Variants in GZF1 observed in about 807,000 individuals in gnomAD.
GZF1 encodes the protein GDNF-inducible zinc finger protein 1.
In GZF1, 28 loss-of-function variants were observed where a neutral mutation model predicts 49.4. The ratio of observed to expected loss-of-function variants is 0.57; its 90% CI spans 0.42 to 0.78. The LOEUF (loss-of-function observed/expected upper bound fraction) is 0.78. Among genes scored for constraint, GZF1 ranks in the 30% least tolerant of loss-of-function variants. The pLI is 0.00. For missense variants in GZF1, 798 were observed against 916.2 expected (o/e 0.87, Z 1.67); for synonymous variants, 364 against 356.0 (o/e 1.02, Z -0.25).
chr20:23,365,067 G>T lies in GZF1; in HGVS notation c.684G>T (p.Gly228=). The T allele has an allele frequency of 6.2e-7, 1 of 1,614,076 alleles. No individual in the cohort carries two copies. The highest frequency in any genetic ancestry group is 1.1e-5 in the South Asian group (1 of 91,084). ...KIRRASGRLA[G]RKVFVEIPKK... ...GGAGAGCTAGTGGAAGGCTGGCTGG[G>T]AGGAAGGTCTTTGTGGAGATCCCTA... The change falls in exon 2 of 6, where the codon GGG becomes GGT. Residue 228 remains glycine (G), a synonymous_variant. Transcript: ENST00000338121.
intron 5 of GZF1, 27 bp from the exon 6 acceptor site, chr20:23,370,064 G>A (rs1225994480): frequency 3.2e-6 from 5 of 1,565,428 alleles, no homozygotes; most frequent in Non-Finnish European, 4.4e-6. Context: ...CACATTCAGT[G>A]ACCTTTGTTT....
Position 23,368,949 on chromosome 20 carries a change from GGGAA to G in GZF1, c.1627+23_1627+26del. On this transcript the variant is annotated intron_variant, in intron 4 of 5. Transcript: ENST00000338121. Reference sequence around the variant, plus strand: ...ACACAGGTATGGTTGGAATGTCCCAGGGAAGGGAGTTTAGTTTGGCCAAAAAAAA... The same window carrying G: ...ACACAGGTATGGTTGGAATGTCCCAGGGGAGTTTAGTTTGGCCAAAAAAAA... 2 of 1,573,982 alleles carry G rather than the reference GGGAA, an allele frequency of 1.3e-6. No individual in the cohort carries two copies. The highest frequency in any genetic ancestry group is 1.7e-6 in the Non-Finnish European group (2 of 1,160,610).
At chr20:23,368,736 T>C in intron 3 of GZF1, 26 bp from the exon 4 acceptor site, 6 of 1,586,356 alleles carry the variant, frequency 3.8e-6, no homozygotes, top group Middle Eastern at 1.7e-4. Context: ...GTATTGTTTA[T>C]GACTTTATTT....
rs185296024 is a variant in GZF1, at chr20:23,371,844, A to G, written c.*1403A>G. The G allele has an allele frequency of 6.6e-6, 1 of 152,364 alleles. No individual in the cohort carries two copies. The highest frequency in any genetic ancestry group is 1.9e-4 in the East Asian group (1 of 5,192). The allele number at this position is 152,364 out of a possible 1,614,324, so 9.4% of individuals were successfully genotyped here. On this transcript the variant is annotated 3_prime_UTR_variant, in exon 6 of 6. Coordinates refer to ENST00000338121, the MANE Select transcript of GZF1 (RefSeq NM_022482.5). Reference sequence around the variant, plus strand: ...AGAGGAAGGTACTTTAAGTTCCAGAATGAACATGTAGCTGCACTATGCCAG... The same window carrying G: ...AGAGGAAGGTACTTTAAGTTCCAGAGTGAACATGTAGCTGCACTATGCCAG...
At position 23,370,456 on chromosome 20, in the gene GZF1, T is replaced by C; in HGVS notation, c.*15T>C. The C allele has an allele frequency of 1.3e-6, 2 of 1,513,174 alleles. No homozygotes were observed. Among genetic ancestry groups the C allele is most frequent in the South Asian group, 1.1e-5 (1 of 88,236 alleles). The allele number at this position is 1,513,174 out of a possible 1,614,324, so 93.7% of individuals were successfully genotyped here. A position where few individuals can be genotyped will look rare whatever the true frequency, so the allele number is the denominator to read the frequency against. The stretch of plus-strand genomic sequence containing the variant: ...ACATGGAATAAGAGCTTCAAGCAGT[T>C]CCCATCCTGTTAGTCTGCGTGTGTG... On this transcript the variant is annotated 3_prime_UTR_variant, in exon 6 of 6. Coordinates refer to ENST00000338121, the MANE Select transcript of GZF1 (RefSeq NM_022482.5).
chr20:23,361,829 A>G (rs1980686973), upstream of GZF1, among the ~76,000 whole-genome samples: 1 of 152,188 alleles, frequency 6.6e-6, no homozygotes, highest in Non-Finnish European at 1.5e-5. Flanking sequence ...TTGCGGCCAG[A>G]AGCCCGGAAT....
At position 23,364,647 on chromosome 20, in the gene GZF1, T is replaced by G. The variant is rs1226785914; in HGVS notation, c.264T>G (p.Ala88=). ...ATGAAGTGCAGGTTGCTGACTTTGCTTCATTTCTTGAGTTTGTCTACACTG... is the reference window on the plus strand; with the variant it reads ...ATGAAGTGCAGGTTGCTGACTTTGCGTCATTTCTTGAGTTTGTCTACACTG... ...YLNEVQVADF[A]SFLEFVYTAK... is the part of the protein sequence containing the mutation. Residue 88 remains alanine (A), a synonymous_variant, in exon 2 of 6, where the codon GCT becomes GCG. Coordinates refer to ENST00000338121, the MANE Select transcript of GZF1 (RefSeq NM_022482.5). 1 of 1,614,268 alleles carries G rather than the reference T, an allele frequency of 6.2e-7. No homozygotes were observed. The highest frequency in any genetic ancestry group is 1.3e-5 in the African/African-American group (1 of 75,072).
chr20:23,365,572 C>G lies in GZF1; in HGVS notation c.1189C>G (p.Leu397Val). 1 of 1,611,910 alleles carries G rather than the reference C, an allele frequency of 6.2e-7. No homozygotes were observed. Among genetic ancestry groups the G allele is most frequent in the Non-Finnish European group, 8.5e-7 (1 of 1,179,646 alleles). The change falls in exon 2 of 6, where the codon CTG becomes GTG. Residue 397 changes from leucine to valine, a missense_variant. Coordinates refer to ENST00000338121, the MANE Select transcript of GZF1 (RefSeq NM_022482.5). ...CAAGAAGGACGTGAAGCGGCACGTG[C>G]TGCAGGTGCATGAGGGCGGCGGCGA... ...KRKKDVKRHV[L>V]QVHEGGGERH... is the part of the protein sequence containing the mutation.
rs1356442371 is a variant in GZF1, at chr20:23,369,807, C to G, written c.1785+66C>G. On this transcript the variant is annotated intron_variant, in intron 5 of 5. Transcript: ENST00000338121. ...CCTTAGATGCACGGAAAGAGAAATACCTACCACCATTCTCCAAGGTGGTTA... is the reference window on the plus strand; with the variant it reads ...CCTTAGATGCACGGAAAGAGAAATAGCTACCACCATTCTCCAAGGTGGTTA... 4 of 1,509,812 alleles carry G rather than the reference C, an allele frequency of 2.6e-6. No homozygotes were observed. In the East Asian group the frequency reaches 9.1e-5, roughly 34 times the overall value. The allele number at this position is 1,509,812 out of a possible 1,614,324, so 93.5% of individuals were successfully genotyped here.
In GZF1 at chr20:23,365,429, G is replaced by A. The variant is rs762297126; in HGVS notation, c.1046G>A (p.Arg349His). Residue 349 changes from arginine (R) to histidine (H), a missense_variant, in exon 2 of 6, where the codon CGC becomes CAC. Transcript: ENST00000338121. ...RHGVATEVVY[R>H]CDTCGQTFAN... is the part of the protein sequence containing the mutation. Reference sequence around the variant, plus strand: ...GGCGTGGCCACCGAGGTGGTGTACCGCTGCGACACCTGCGGCCAGACCTTC... The same window carrying A: ...GGCGTGGCCACCGAGGTGGTGTACCACTGCGACACCTGCGGCCAGACCTTC... 4.3e-6 allele frequency: 7 copies of A among 1,613,756 alleles called. No individual in the cohort carries two copies. The highest frequency in any genetic ancestry group is 5.9e-6 in the Non-Finnish European group (7 of 1,180,054).
chr20:23,364,114 C>T (rs1206539395), intron 1 of GZF1, among the ~76,000 whole-genome samples: 3 of 152,226 alleles, frequency 2.0e-5, no homozygotes, highest in Non-Finnish European at 4.4e-5. Context: ...CAACTTCCAT[C>T]ATTTGTTTAT....
chr20:23,365,500 A>G lies in GZF1; in HGVS notation c.1117A>G (p.Ser373Gly). The stretch of plus-strand genomic sequence containing the variant: ...GAGCCACCAGCGCCACGTGCACAGC[A>G]GCGAGCGCCATTTCCCATGCGAGCT... ...LKSHQRHVHS[S>G]ERHFPCELCG... Residue 373 changes from serine (S) to glycine (G), a missense_variant, in exon 2 of 6, where the codon AGC becomes GGC. Around this residue, in one of 3 missense-constraint regions of GZF1, gnomAD observed 446 missense variants for 540.1 expected, o/e 0.83. Transcript: ENST00000338121. 1 of 1,613,862 alleles carries G rather than the reference A, an allele frequency of 6.2e-7. No individual in the cohort carries two copies. Among genetic ancestry groups the G allele is most frequent in the Non-Finnish European group, 8.5e-7 (1 of 1,179,966 alleles).
At position 23,365,578 on chromosome 20, in the gene GZF1, G is replaced by C; in HGVS notation, c.1195G>C (p.Val399Leu). The C allele has an allele frequency of 2.5e-6, 4 of 1,611,320 alleles. No homozygotes were observed. Among genetic ancestry groups the C allele is most frequent in the Non-Finnish European group, 3.4e-6 (4 of 1,179,626 alleles). ...KKDVKRHVLQ[V>L]HEGGGERHRC... ...GGACGTGAAGCGGCACGTGCTGCAG[G>C]TGCATGAGGGCGGCGGCGAGCGGCA... The change falls in exon 2 of 6, where the codon GTG (valine) becomes CTG (leucine). Residue 399 changes from valine (V) to leucine (L), a missense_variant. Around this residue, in one of 3 missense-constraint regions of GZF1, gnomAD observed 446 missense variants for 540.1 expected, o/e 0.83. Coordinates refer to ENST00000338121, the MANE Select transcript of GZF1 (RefSeq NM_022482.5).
intron 2 of GZF1, 96 bp from the exon 3 acceptor site, chr20:23,366,907 T>G: frequency 2.5e-6 from 2 of 813,564 alleles, no homozygotes; most frequent in Non-Finnish European, 4.2e-6. Flanking sequence ...TTAGGTCTCT[T>G]GGAGTAAACG....
At position 23,368,430 on chromosome 20, in the gene GZF1, C is replaced by T. The variant is rs116119605; in HGVS notation, c.1460-332C>T. Among the ~76,000 whole-genome samples the T allele has an allele frequency of 7.6e-3, 1,153 of 152,166 alleles. 20 individuals carry two copies. Among genetic ancestry groups the T allele is most frequent in the African/African-American group, 0.026 (1,076 of 41,496 alleles). On this transcript the variant is annotated intron_variant, in intron 3 of 5. Coordinates refer to ENST00000338121, the MANE Select transcript of GZF1 (RefSeq NM_022482.5). Reference sequence around the variant, plus strand: ...TAGAAGTGTTCCTTTGAAAATAATCCAGCAGTTCCTCCAAACAGAAGTTGT... The same window carrying T: ...TAGAAGTGTTCCTTTGAAAATAATCTAGCAGTTCCTCCAAACAGAAGTTGT...
At chr20:23,363,036 C>T (rs577888656) in intron 1 of GZF1, among the ~76,000 whole-genome samples, 2 of 152,280 alleles carry the variant, frequency 1.3e-5, no homozygotes, top group South Asian at 4.1e-4. Flanking sequence ...TTTACTGGGG[C>T]GTCTCCTTCA....
chr20:23,369,637 G>A lies in GZF1; in HGVS notation c.1681G>A (p.Ala561Thr). ...CGGCAAGCAGTTCACCCAGCTCAAC[G>A]CCCTCCAGCGCCACCGCCGCATCCA... ...QCGKQFTQLN[A>T]LQRHRRIHTG... Residue 561 changes from alanine (A) to threonine (T), a missense_variant, in exon 5 of 6, where the codon GCC becomes ACC. Ala to Thr is a moderately conservative substitution (Grantham distance 58). Around this residue, in one of 3 missense-constraint regions of GZF1, gnomAD observed 446 missense variants for 540.1 expected, o/e 0.83. Transcript: ENST00000338121. The A allele has an allele frequency of 6.2e-7, 1 of 1,613,230 alleles. No homozygotes were observed. The highest frequency in any genetic ancestry group is 2.2e-5 in the East Asian group (1 of 44,780).
In GZF1 at chr20:23,370,816, C is replaced by G. The variant is rs776879862; in HGVS notation, c.*375C>G. ...TCCTGATATTGTAGTTAGCAGTCTTCCTGGCTTCTCACTCTGCCTTATATT... is the reference window on the plus strand; with the variant it reads ...TCCTGATATTGTAGTTAGCAGTCTTGCTGGCTTCTCACTCTGCCTTATATT... On this transcript the variant is annotated 3_prime_UTR_variant, in exon 6 of 6. Coordinates refer to ENST00000338121, the MANE Select transcript of GZF1 (RefSeq NM_022482.5). The G allele has an allele frequency of 4.8e-5, 9 of 186,126 alleles. No homozygotes were observed. Among genetic ancestry groups the G allele is most frequent in the South Asian group, 1.1e-4 (1 of 9,238 alleles). The allele number at this position is 186,126 out of a possible 1,614,324, so 11.5% of individuals were successfully genotyped here.
intron 2 of GZF1, 127 bp downstream of exon 2, chr20:23,365,874 A>G: frequency 7.2e-7 from 1 of 1,381,930 alleles, no homozygotes; most frequent in Non-Finnish European, 9.5e-7. Context: ...TTATTTCGAG[A>G]CAGCGTTTAG....
Sources: allele counts gnomAD v4.1 joint callset (sites outside exome capture counted in the v4.1 genomes callset), GRCh38; gene constraint gnomAD v4.1.1; regional missense constraint gnomAD v4.1.1; transcripts MANE v1.5; gene names NCBI Gene and HGNC (gene_info 2026-07-23, HGNC 2026-07-21).